GLRA3: variants seen among roughly 807,000 people sequenced by gnomAD.
GLRA3 encodes glycine receptor subunit alpha-3.
GLRA3 carries 44 observed loss-of-function variants against 60.4 expected under a neutral mutation model. That is an observed-to-expected ratio of 0.73 (90% CI 0.57 to 0.94). The LOEUF (loss-of-function observed/expected upper bound fraction) is 0.94. GLRA3 is among the 40% of genes least tolerant of loss of function. The probability of loss-of-function intolerance (pLI) is 0.00; values close to 1 mark genes in which losing one functional copy is unlikely to be tolerated. For synonymous variants in GLRA3, 223 were observed against 192.9 expected (o/e 1.16, Z -1.29); for missense variants, 508 against 564.6 (o/e 0.90, Z 1.02).
chr4:174,764,556 C>CA (rs370090291), intron 3 of GLRA3, among the ~76,000 whole-genome samples: 38,706 of 148,118 alleles, frequency 0.26, 5,842 homozygotes, highest in East Asian at 0.51. Context: ...GACTCCGTCT[C>CA]AAAAAAAAAA....
At chr4:174,791,036 A>G (rs1455342241) in intron 1 of GLRA3, among the ~76,000 whole-genome samples, 1 of 151,524 alleles carries the variant, frequency 6.6e-6, no homozygotes, top group African/African-American at 2.4e-5. Flanking sequence ...ATGACTATGT[A>G]TACTGAACCA....
chr4:174,751,561 G>A (rs1242391227), intron 3 of GLRA3, among the ~76,000 whole-genome samples: 2 of 152,040 alleles, frequency 1.3e-5, no homozygotes, highest in African/African-American at 2.4e-5. Context: ...CAGTTTATAA[G>A]TATTACTAAT....
intron 7 of GLRA3, among the ~76,000 whole-genome samples, chr4:174,675,409 C>G (rs548149477): frequency 6.6e-6 from 1 of 152,198 alleles, no homozygotes; most frequent in East Asian, 1.9e-4. Context: ...ACTCACATTT[C>G]CATGCTCCCC....
At chr4:174,678,573 A>G (rs1230494185) in intron 6 of GLRA3, among the ~76,000 whole-genome samples, 1 of 152,224 alleles carries the variant, frequency 6.6e-6, no homozygotes, top group Non-Finnish European at 1.5e-5. Flanking sequence ...GGTGATGCAC[A>G]GGCACTATAT....
chr4:174,763,681 A>G (rs1381411929), intron 3 of GLRA3, among the ~76,000 whole-genome samples: 2 of 152,160 alleles, frequency 1.3e-5, no homozygotes, highest in Non-Finnish European at 2.9e-5. Flanking sequence ...CTTAATGTGG[A>G]GATCTTAAGC....
Position 174,728,652 on chromosome 4 carries a change from C to CG in GLRA3, c.313dup (p.Arg105ProfsTer6). ...GTCAGGATATTCACTGTACGCGAGG[C>CG]GGGGATCATTCCATTTCTGACGAAG... On this transcript the variant is annotated frameshift_variant, in exon 4 of 10. Coordinates refer to ENST00000274093, the MANE Select transcript of GLRA3 (RefSeq NM_006529.4). LOFTEE classifies it high-confidence loss of function. 6.2e-7 allele frequency: 1 copy of CG among 1,610,062 alleles called. No individual in the cohort carries two copies. The highest frequency in any genetic ancestry group is 8.5e-7 in the Non-Finnish European group (1 of 1,176,844).
rs751090125 is a variant in GLRA3 at position 174,790,825 on chromosome 4, C to CAAAA, written c.72-1886_72-1883dup. On this transcript the variant is annotated intron_variant, in intron 1 of 9. Coordinates refer to ENST00000274093, the MANE Select transcript of GLRA3 (RefSeq NM_006529.4). Reference sequence around the variant, plus strand: ...GAAACCGGGTCTCTACTAAAAAATACAAAAAAAAAAAAAAAAAAAAAGAAA... The same window carrying CAAAA: ...GAAACCGGGTCTCTACTAAAAAATACAAAAAAAAAAAAAAAAAAAAAAAAAGAAA... 5.6e-3 allele frequency among the ~76,000 whole-genome samples: 361 copies of CAAAA among 64,964 alleles called. 4 individuals carry two copies. The highest frequency in any genetic ancestry group is 0.013 in the African/African-American group (189 of 14,064). 42.6% of individuals were successfully genotyped at this position (64,964 alleles called of 152,430 possible). A position where few individuals can be genotyped will look rare whatever the true frequency, so the allele number is the denominator to read the frequency against.
chr4:174,676,494 A>G (rs1048622353), intron 7 of GLRA3, among the ~76,000 whole-genome samples: 2 of 152,138 alleles, frequency 1.3e-5, no homozygotes, highest in Non-Finnish European at 2.9e-5. Context: ...ATATGCTAAG[A>G]ACATAATACA....
chr4:174,668,752 T>C (rs966836949), intron 7 of GLRA3, among the ~76,000 whole-genome samples: 7 of 152,164 alleles, frequency 4.6e-5, no homozygotes, highest in African/African-American at 1.7e-4. Flanking sequence ...AGGAACTCTA[T>C]AAGGTAAATT....
rs1345259587 is a variant in GLRA3, at chr4:174,649,632, G to A, written c.1117-5568C>T. ...CTCTAGAATAGCCTGTCTGGCCTACGATAAAGCTAGATGGATCCTACAGGC... is the reference window on the plus strand; with the variant it reads ...CTCTAGAATAGCCTGTCTGGCCTACAATAAAGCTAGATGGATCCTACAGGC... On this transcript the variant is annotated intron_variant, in intron 9 of 9. Transcript: ENST00000274093. Among the ~76,000 whole-genome samples, 4 of 152,116 alleles carry A rather than the reference G, an allele frequency of 2.6e-5. No homozygotes were observed. The South Asian group carries it at 6.2e-4, about 24-fold the overall frequency.
At chr4:174,821,759 C>T (rs930145826) in intron 1 of GLRA3, among the ~76,000 whole-genome samples, 7 of 152,138 alleles carry the variant, frequency 4.6e-5, no homozygotes, top group African/African-American at 1.4e-4. Context: ...AAACCCTTCT[C>T]TTTTCCACTA....
At chr4:174,821,939 TGACA>T (rs561966257) in intron 1 of GLRA3, among the ~76,000 whole-genome samples, 53 of 152,330 alleles carry the variant, frequency 3.5e-4, no homozygotes, top group African/African-American at 1.3e-3. Flanking sequence ...TAGAAAGATG[TGACA>T]GACAGGCAGA....
At position 174,682,702 on chromosome 4, in the gene GLRA3, G is replaced by A. The variant is rs949808146; in HGVS notation, c.712+100C>T. ...TTTTCTGCTATATAAGAAAAACATT[G>A]ATCTATGAACAGTTAAATAACTTAG... On this transcript the variant is annotated intron_variant, in intron 6 of 9. Transcript: ENST00000274093. 3.8e-6 allele frequency: 3 copies of A among 787,400 alleles called. No homozygotes were observed. The African/African-American group carries it at 5.2e-5, about 14-fold the overall frequency. 48.8% of individuals were successfully genotyped at this position (787,400 alleles called of 1,614,324 possible).
chr4:174,674,546 T>C (rs1734038696), intron 7 of GLRA3, among the ~76,000 whole-genome samples: 1 of 152,154 alleles, frequency 6.6e-6, no homozygotes, highest in Non-Finnish European at 1.5e-5. Flanking sequence ...CTAAAGTACA[T>C]TCTTTGAGAT....
chr4:174,666,781 A>T (rs1733694829), intron 7 of GLRA3, among the ~76,000 whole-genome samples: 1 of 144,748 alleles, frequency 6.9e-6, no homozygotes. Flanking sequence ...ATATATATAT[A>T]ATTGGATTTT....
Position 174,690,065 on chromosome 4 carries a change from G to A in GLRA3, c.575-7126C>T, listed in dbSNP as rs894374593. On this transcript the variant is annotated intron_variant, in intron 5 of 9. Coordinates refer to ENST00000274093, the MANE Select transcript of GLRA3 (RefSeq NM_006529.4). ...TTGCATCAACATAGATGTAACTGGCGGCCATTATCCTAAATAAAACAAGTC... is the reference window on the plus strand; with the variant it reads ...TTGCATCAACATAGATGTAACTGGCAGCCATTATCCTAAATAAAACAAGTC... Among the ~76,000 whole-genome samples the A allele has an allele frequency of 7.9e-5, 12 of 152,200 alleles. No homozygotes were observed. The East Asian group carries it at 9.7e-4, about 12-fold the overall frequency.
chr4:174,772,628 T>C (rs1313070142), intron 2 of GLRA3, among the ~76,000 whole-genome samples: 1 of 152,132 alleles, frequency 6.6e-6, no homozygotes, highest in Non-Finnish European at 1.5e-5. Flanking sequence ...AATATTCAAA[T>C]AAAAAACAGT....
intron 9 of GLRA3, among the ~76,000 whole-genome samples, chr4:174,654,662 T>C (rs1441535276): frequency 6.6e-6 from 1 of 152,174 alleles, no homozygotes; most frequent in Admixed American, 6.6e-5. Flanking sequence ...ATTTCATTCA[T>C]ATCTCTCAAC....
chr4:174,816,898 A>G (rs1172118573), intron 1 of GLRA3, among the ~76,000 whole-genome samples: 1 of 152,082 alleles, frequency 6.6e-6, no homozygotes, highest in Non-Finnish European at 1.5e-5. Flanking sequence ...AGATTTTTTG[A>G]TACAGGCATG....
Sources: gnomAD v4.1 joint callset for allele counts (sites outside exome capture counted in the v4.1 genomes callset) on GRCh38, gnomAD v4.1.1 for gene constraint, MANE v1.5 for transcripts, NCBI Gene and HGNC (gene_info 2026-07-23, HGNC 2026-07-21) for gene names.